GPC6: variants seen among roughly 807,000 people sequenced by gnomAD.
GPC6 encodes the protein glypican 6, also known as glypican-6.
GPC6 carries 14 observed loss-of-function variants against 55.2 expected under a neutral mutation model. That is an observed-to-expected ratio of 0.25 (90% confidence interval 0.17 to 0.40). The LOEUF (loss-of-function observed/expected upper bound fraction) is 0.40, where lower values mean the gene tolerates loss of function less well. Among genes scored for constraint, GPC6 ranks in the 10% least tolerant of loss-of-function variants. The pLI, the probability that GPC6 is intolerant of heterozygous loss-of-function variation, is 1.00. For missense variants in GPC6, 641 were observed against 708.5 expected (o/e 0.90, Z 1.08); for synonymous variants, 278 against 259.6 (o/e 1.07, Z -0.68).
rs1882354255 is a variant in GPC6, at chr13:93,542,465, C to T, written c.161-2798C>T. Among the ~76,000 whole-genome samples, 8 of 152,250 alleles carry T rather than the reference C, an allele frequency of 5.3e-5. 1 individual carries two copies. In the South Asian group the frequency reaches 1.7e-3, roughly 32 times the overall value. ...TTTGAAGTCAGGTAGCGTGATGCCT[C>T]CAGCTTTGTTCTTTTGGCTTATGAT... On this transcript the variant is annotated intron_variant, in intron 1 of 8. Transcript: ENST00000377047.
At chr13:93,931,337 T>C (rs1041897104) in intron 3 of GPC6, among the ~76,000 whole-genome samples, 1 of 146,802 alleles carries the variant, frequency 6.8e-6, no homozygotes, top group Non-Finnish European at 1.5e-5. Flanking sequence ...TTCATTAAAA[T>C]AGAAAATACA....
chr13:93,432,794 C>A (rs1222944412), intron 1 of GPC6, among the ~76,000 whole-genome samples: 2 of 151,630 alleles, frequency 1.3e-5, no homozygotes, highest in Non-Finnish European at 2.9e-5. Flanking sequence ...AATCAGCAAC[C>A]CAAAGAGAGG....
intron 1 of GPC6, among the ~76,000 whole-genome samples, chr13:93,377,696 C>T (rs925286673): frequency 1.3e-5 from 2 of 152,114 alleles, no homozygotes; most frequent in Non-Finnish European, 2.9e-5. Flanking sequence ...ATGTGTATCT[C>T]CTGATGAACA....
intron 4 of GPC6, among the ~76,000 whole-genome samples, chr13:94,245,810 A>T (rs1891179600): frequency 6.6e-6 from 1 of 152,000 alleles, no homozygotes; most frequent in Non-Finnish European, 1.5e-5. Context: ...TATCTTGGCT[A>T]TTCTAAATAA....
chr13:94,114,829 G>T (rs1353907430), intron 4 of GPC6, among the ~76,000 whole-genome samples: 2 of 152,040 alleles, frequency 1.3e-5, no homozygotes, highest in African/African-American at 4.8e-5. Context: ...TCCATGTATT[G>T]TCTCAAGTAA....
At chr13:93,743,636 AT>A (rs1456871742) in intron 2 of GPC6, among the ~76,000 whole-genome samples, 6 of 151,972 alleles carry the variant, frequency 3.9e-5, no homozygotes, top group Non-Finnish European at 1.5e-5. Context: ...TGTTTATATT[AT>A]TCTGATTTTT....
intron 4 of GPC6, among the ~76,000 whole-genome samples, chr13:94,064,986 A>G (rs1312739672): frequency 6.6e-6 from 1 of 152,122 alleles, no homozygotes; most frequent in East Asian, 1.9e-4. Flanking sequence ...TGGTTGTGAG[A>G]CTTCACAGAA....
At chr13:94,068,848 G>A (rs571018701) in intron 4 of GPC6, among the ~76,000 whole-genome samples, 6 of 152,276 alleles carry the variant, frequency 3.9e-5, no homozygotes, top group African/African-American at 1.4e-4. Flanking sequence ...CTGTGGTTTT[G>A]CAGGGTACGG....
chr13:93,486,571 G>T (rs1326006444), intron 1 of GPC6, among the ~76,000 whole-genome samples: 2 of 152,106 alleles, frequency 1.3e-5, no homozygotes, highest in Admixed American at 1.3e-4. Context: ...TCCAAAATAG[G>T]AAAAACAATA....
intron 1 of GPC6, among the ~76,000 whole-genome samples, chr13:93,281,320 C>T (rs940096719): frequency 2.0e-5 from 3 of 152,044 alleles, no homozygotes; most frequent in Non-Finnish European, 4.4e-5. Flanking sequence ...CTGGCAGATG[C>T]GGTGTCTAGT....
At chr13:93,832,668 G>T (rs1887565460) in intron 3 of GPC6, among the ~76,000 whole-genome samples, 1 of 152,108 alleles carries the variant, frequency 6.6e-6, no homozygotes, top group South Asian at 2.1e-4. Context: ...ATTCACAACT[G>T]CCTAGAGATG....
chr13:93,462,364 A>T (rs1206731506), intron 1 of GPC6, among the ~76,000 whole-genome samples: 1 of 152,170 alleles, frequency 6.6e-6, no homozygotes, highest in African/African-American at 2.4e-5. Context: ...TAAAAAATGC[A>T]AATTTTCTAC....
intron 4 of GPC6, among the ~76,000 whole-genome samples, chr13:94,276,244 C>G (rs1253711787): frequency 6.6e-6 from 1 of 152,058 alleles, no homozygotes; most frequent in African/African-American, 2.4e-5. Context: ...AACTTGAATC[C>G]TTAGAAGTTC....
chr13:94,138,965 T>C (rs765214775), intron 4 of GPC6, among the ~76,000 whole-genome samples: 1 of 151,990 alleles, frequency 6.6e-6, no homozygotes, highest in Non-Finnish European at 1.5e-5. Context: ...AATGTGATTA[T>C]GGTAAGGGAA....
intron 4 of GPC6, among the ~76,000 whole-genome samples, chr13:94,082,864 G>A (rs568479451): frequency 1.1e-4 from 16 of 152,178 alleles, no homozygotes; most frequent in East Asian, 1.9e-4. Flanking sequence ...TCATCAATTC[G>A]TCTCTAGTAA....
At chr13:93,478,024 T>C (rs1415385290) in intron 1 of GPC6, among the ~76,000 whole-genome samples, 1 of 152,120 alleles carries the variant, frequency 6.6e-6, no homozygotes, top group Admixed American at 6.6e-5. Flanking sequence ...AAATGGAGGC[T>C]TTTAGAGTAG....
chr13:93,575,597 T>G (rs571157983), intron 2 of GPC6, among the ~76,000 whole-genome samples: 12 of 152,290 alleles, frequency 7.9e-5, no homozygotes, highest in East Asian at 3.9e-4. Context: ...TTTAGTAGTA[T>G]TAGGCCTCTT....
intron 1 of GPC6, among the ~76,000 whole-genome samples, chr13:93,456,640 G>GATT (rs1310699191): frequency 6.6e-6 from 1 of 152,044 alleles, no homozygotes; most frequent in African/African-American, 2.4e-5. Context: ...GAAAGTCTCA[G>GATT]ATTTGTATGT....
At chr13:93,322,671 C>T (rs1879498766) in intron 1 of GPC6, among the ~76,000 whole-genome samples, 1 of 151,790 alleles carries the variant, frequency 6.6e-6, no homozygotes, top group Non-Finnish European at 1.5e-5. Context: ...AACTCCTGAC[C>T]TCAGGTGATC....
Sources: gnomAD v4.1 joint callset for allele counts (sites outside exome capture counted in the v4.1 genomes callset) on GRCh38, gnomAD v4.1.1 for gene constraint, MANE v1.5 for transcripts, NCBI Gene and HGNC (gene_info 2026-07-23, HGNC 2026-07-21) for gene names.